Variants in SUFU observed in about 807,000 individuals in gnomAD.
SUFU encodes the protein suppressor of fused homolog.
A neutral mutation model predicts 58.9 loss-of-function variants in SUFU; 7 were observed. That is an observed-to-expected ratio of 0.12 (90% CI 0.07 to 0.22). The LOEUF (loss-of-function observed/expected upper bound fraction) is 0.22. Among genes scored for constraint, SUFU ranks in the 10% least tolerant of loss-of-function variants. The pLI, the probability that SUFU is intolerant of heterozygous loss-of-function variation, is 1.00. For missense variants in SUFU, 451 were observed against 641.3 expected, an observed-to-expected ratio of 0.70 and a Z score of 3.20; for synonymous variants, 232 against 254.8, an observed-to-expected ratio of 0.91 and a Z score of 0.85.
chr10:102,548,303 G>C (rs74616378), intron 2 of SUFU, among the ~76,000 whole-genome samples: 6,613 of 152,286 alleles, frequency 0.043, 455 homozygotes, highest in African/African-American at 0.15. Context: ...CAAAGTGCAG[G>C]AGGTCTGGGT....
intron 7 of SUFU, 26 bp downstream of exon 7, chr10:102,597,319 C>G: frequency 6.2e-7 from 1 of 1,606,904 alleles, no homozygotes; most frequent in Non-Finnish European, 8.5e-7. Flanking sequence ...CAGCATTCCA[C>G]CAGCCTTCCT....
intron 10 of SUFU, among the ~76,000 whole-genome samples, chr10:102,620,562 C>T (rs1461152358): frequency 6.6e-6 from 1 of 152,210 alleles, no homozygotes; most frequent in Non-Finnish European, 1.5e-5. Flanking sequence ...CAGGCTTTCA[C>T]TTTCTGGAGA....
intron 3 of SUFU, among the ~76,000 whole-genome samples, chr10:102,590,310 C>T (rs570019634): frequency 4.0e-5 from 6 of 151,834 alleles, no homozygotes; most frequent in South Asian, 2.1e-4. Flanking sequence ...GGATTACAGG[C>T]GCCTTCTACC....
At chr10:102,616,850 C>T (rs529791445) in intron 9 of SUFU, among the ~76,000 whole-genome samples, 2 of 152,338 alleles carry the variant, frequency 1.3e-5, no homozygotes, top group Non-Finnish European at 2.9e-5. Context: ...GGTCCCACTG[C>T]GGAGGCACTA....
chr10:102,602,381 A>G (rs2063522108), intron 8 of SUFU, among the ~76,000 whole-genome samples: 1 of 152,222 alleles, frequency 6.6e-6, no homozygotes, highest in African/African-American at 2.4e-5. Context: ...TTACTGGTAG[A>G]ATTCATCTAA....
chr10:102,580,029 A>ACTCCCCCCCCCCCCCCCCCCCC (rs2063257897), intron 3 of SUFU, among the ~76,000 whole-genome samples: 1 of 84,664 alleles, frequency 1.2e-5, no homozygotes, highest in Non-Finnish European at 2.5e-5. Context: ...CCTCCCCCGC[A>ACTCCCCCCCCCCCCCCCCCCCC]CCCCCCCCCC....
chr10:102,569,457 G>A (rs1404175160), intron 3 of SUFU, among the ~76,000 whole-genome samples: 1 of 152,178 alleles, frequency 6.6e-6, no homozygotes, highest in East Asian at 1.9e-4. Context: ...AGACTCTGTG[G>A]CTCTTGGAAA....
intron 2 of SUFU, among the ~76,000 whole-genome samples, chr10:102,528,245 G>A (rs1463721267): frequency 6.6e-6 from 1 of 152,138 alleles, no homozygotes; most frequent in African/African-American, 2.4e-5. Flanking sequence ...CTGCAAGAAA[G>A]GGTCTGGTGC....
chr10:102,546,934 C>T (rs570486136), intron 2 of SUFU, among the ~76,000 whole-genome samples: 7 of 152,238 alleles, frequency 4.6e-5, no homozygotes, highest in Non-Finnish European at 8.8e-5. Context: ...TGCGTGTGCA[C>T]GCATGCACAC....
rs1008824159 is a variant in SUFU at position 102,599,331 on chromosome 10, G to A, written c.911-102G>A. 8 of 872,512 alleles carry A rather than the reference G, an allele frequency of 9.2e-6. No homozygotes were observed. The African/African-American group carries it at 1.2e-4, about 13-fold the overall frequency. The allele number at this position is 872,512 out of a possible 1,614,324, so 54.0% of individuals were successfully genotyped here. On this transcript the variant is annotated intron_variant, in intron 7 of 11. Coordinates refer to ENST00000369902, the MANE Select transcript of SUFU (RefSeq NM_016169.4). ...GAGTGGGCTCAGGACTGGCCAGCGT[G>A]GTAGTTTTTCTTAGCACCTCTGCTG...
chr10:102,610,034 T>C (rs1383094619), intron 8 of SUFU, among the ~76,000 whole-genome samples: 1 of 152,104 alleles, frequency 6.6e-6, no homozygotes, highest in Non-Finnish European at 1.5e-5. Context: ...TATTTTTAAT[T>C]TTTTCCAAAG....
At position 102,617,715 on chromosome 10, in the gene SUFU, G is replaced by A. The variant is rs1391980082; in HGVS notation, c.1296+287G>A. ...AATTCTGGTTCCCCGTGGAAATCCA[G>A]GTTGGAGGGATATAAGACTTTCTGC... On this transcript the variant is annotated intron_variant, in intron 10 of 11. Transcript: ENST00000369902. This position sits in a 1 kb window ranked among gnomAD's most constrained non-coding sequence, Gnocchi z 4.4. The A allele has an allele frequency of 3.3e-6, 2 of 597,300 alleles. No individual in the cohort carries two copies. The highest frequency in any genetic ancestry group is 6.0e-6 in the Non-Finnish European group (2 of 333,312). 37.0% of individuals were successfully genotyped at this position (597,300 alleles called of 1,614,324 possible).
At chr10:102,533,843 A>G (rs990879393) in intron 2 of SUFU, among the ~76,000 whole-genome samples, 19 of 152,192 alleles carry the variant, frequency 1.2e-4, no homozygotes, top group Non-Finnish European at 1.9e-4. Flanking sequence ...CCCTTTTGCC[A>G]TTTAAGGTAG....
chr10:102,568,935 T>TGC (rs2063129995), intron 3 of SUFU, among the ~76,000 whole-genome samples: 1 of 34,902 alleles, frequency 2.9e-5, no homozygotes, highest in Non-Finnish European at 5.6e-5. Context: ...TATATATATA[T>TGC]ATATATATAT....
intron 3 of SUFU, among the ~76,000 whole-genome samples, chr10:102,588,734 G>A (rs573872196): frequency 6.6e-6 from 1 of 152,190 alleles, no homozygotes; most frequent in African/African-American, 2.4e-5. Flanking sequence ...ACAACACTAA[G>A]TCTTCCGATC....
chr10:102,611,861 G>C (rs1194072405), intron 8 of SUFU, among the ~76,000 whole-genome samples: 1 of 152,172 alleles, frequency 6.6e-6, no homozygotes, highest in Non-Finnish European at 1.5e-5. Context: ...GCACAGCCTT[G>C]GCCCCATGCC....
intron 3 of SUFU, among the ~76,000 whole-genome samples, chr10:102,568,952 A>ATACATATATATATATATG (rs2063133148): frequency 2.0e-4 from 21 of 102,642 alleles, no homozygotes; most frequent in African/African-American, 7.8e-4. Flanking sequence ...ATATATATAT[A>ATACATATATATATATATG]TATATATATA....
chr10:102,503,948 C>A (rs971907846), upstream of SUFU: 43 of 663,312 alleles, frequency 6.5e-5, no homozygotes, highest in Non-Finnish European at 9.7e-5. Flanking sequence ...CTTAGCGCCC[C>A]GCCGCCCCGA....
At chr10:102,522,206 G>A (rs567907671) in intron 2 of SUFU, among the ~76,000 whole-genome samples, 13 of 152,320 alleles carry the variant, frequency 8.5e-5, no homozygotes, top group South Asian at 2.1e-4. Context: ...TTACATTAAC[G>A]ATATTCCCAT....
Sources: gnomAD v4.1 joint callset for allele counts (sites outside exome capture counted in the v4.1 genomes callset) on GRCh38, gnomAD v4.1.1 for gene constraint, Gnocchi (gnomAD v3.1) non-coding constraint, MANE v1.5 for transcripts, NCBI Gene and HGNC (gene_info 2026-07-23, HGNC 2026-07-21) for gene names.